The following XKRX variants were observed in gnomAD, a reference collection of about 807,000 sequenced individuals.
XKRX encodes the protein XK related X-linked, also known as XK-related protein 2.
In XKRX, 11 loss-of-function variants were observed where a neutral mutation model predicts 22.4. That is an observed-to-expected ratio of 0.49 (90% CI 0.31 to 0.81). The LOEUF is 0.81. Among genes scored for constraint, XKRX ranks in the 40% least tolerant of loss-of-function variants. The probability of loss-of-function intolerance (pLI) is 0.05; values close to 1 mark genes in which losing one functional copy is unlikely to be tolerated. For synonymous variants in XKRX, 114 were observed against 132.2 expected (o/e 0.86, Z 0.94); for missense variants, 320 against 336.5 (o/e 0.95, Z 0.38).
upstream of XKRX, among the ~76,000 whole-genome samples, chrX:100,931,168 A>AC (rs1368601606): frequency 9.5e-6 from 1 of 105,263 alleles, no homozygotes; most frequent in Non-Finnish European, 2.0e-5. Flanking sequence ...AAAAAAAAAA[A>AC]CATGGGAGAG....
the XKRX span, among the ~76,000 whole-genome samples, chrX:100,936,490 G>C: frequency 1.2e-5 from 1 of 85,672 alleles, no homozygotes; most frequent in East Asian, 4.4e-4. Flanking sequence ...GCAGTGAGCT[G>C]TGATCATGCC....
intron 2 of XKRX, among the ~76,000 whole-genome samples, chrX:100,915,711 T>TGTGTGC (rs1556190818): frequency 1.4e-5 from 1 of 72,224 alleles, no homozygotes; most frequent in African/African-American, 4.7e-5. Context: ...TGTGTGTGCG[T>TGTGTGC]GTGTGTGTGT....
chrX:100,939,519 A>C, the XKRX span, among the ~76,000 whole-genome samples: 1 of 111,781 alleles, frequency 8.9e-6, no homozygotes, highest in Non-Finnish European at 1.9e-5. Context: ...TGACAATGCA[A>C]AGGAAACTGG....
chrX:100,900,788 CTTTTTT>C, the XKRX span, among the ~76,000 whole-genome samples: 3 of 89,273 alleles, frequency 3.4e-5, no homozygotes, highest in African/African-American at 1.3e-4. Context: ...TCACAATCTC[CTTTTTT>C]TTTTTTTTTT....
At chrX:100,931,259 CCA>C (rs1223020555), upstream of XKRX, among the ~76,000 whole-genome samples, 2 of 111,009 alleles carry the variant, frequency 1.8e-5, no homozygotes, top group African/African-American at 6.6e-5. Context: ...TTGTCTCTCC[CCA>C]AATACAAAAA....
downstream of XKRX, among the ~76,000 whole-genome samples, chrX:100,910,270 T>G (rs1203393154): frequency 9.0e-6 from 1 of 110,924 alleles, no homozygotes; most frequent in Non-Finnish European, 1.9e-5. Context: ...TCCCTACACA[T>G]GTACCCTATG....
downstream of XKRX, chrX:100,910,692 C>T (rs749398999): frequency 6.3e-6 from 3 of 476,554 alleles, no homozygotes; most frequent in Admixed American, 7.4e-5. Flanking sequence ...CTGCTACTGG[C>T]AACTCTGCGG....
chrX:100,929,328 G>C (rs986462954), upstream of XKRX: 2 of 111,900 alleles, frequency 1.8e-5, no homozygotes, highest in African/African-American at 6.5e-5. Flanking sequence ...CAGGCGGCCA[G>C]CCGAGGGATG....
the XKRX span, among the ~76,000 whole-genome samples, chrX:100,891,586 G>C: frequency 9.1e-6 from 1 of 109,589 alleles, no homozygotes; most frequent in Non-Finnish European, 1.9e-5. Context: ...GGAAACAGCA[G>C]TCTCTTCAAT....
At chrX:100,893,979 A>T in the XKRX span, among the ~76,000 whole-genome samples, 2 of 112,658 alleles carry the variant, frequency 1.8e-5, no homozygotes, top group Non-Finnish European at 3.7e-5. Context: ...AAAATTTTTT[A>T]AAAAGTAGGC....
chrX:100,900,018 C>A, the XKRX span, among the ~76,000 whole-genome samples: 2 of 111,450 alleles, frequency 1.8e-5, no homozygotes, highest in South Asian at 7.6e-4. Context: ...AATGGAATTG[C>A]AAAAGACCCC....
the XKRX span, among the ~76,000 whole-genome samples, chrX:100,946,765 G>A: frequency 8.9e-6 from 1 of 111,870 alleles, no homozygotes; most frequent in African/African-American, 3.3e-5. Flanking sequence ...TTCCCTTCCT[G>A]TGATGTCCTG....
At chrX:100,912,470 C>T (rs2085410376), downstream of XKRX, among the ~76,000 whole-genome samples, 1 of 111,885 alleles carries the variant, frequency 8.9e-6, no homozygotes, top group South Asian at 3.7e-4. Context: ...TGGTTAACAG[C>T]CCTGCTACTT....
downstream of XKRX, among the ~76,000 whole-genome samples, chrX:100,908,618 T>C (rs1404063061): frequency 8.9e-6 from 1 of 112,048 alleles, no homozygotes; most frequent in Non-Finnish European, 1.9e-5. Context: ...TGGACATATG[T>C]GTCCTCTGAA....
At chrX:100,917,634 G>GAAAGAAAGA (rs1556193289) in intron 2 of XKRX, among the ~76,000 whole-genome samples, 1 of 49,031 alleles carries the variant, frequency 2.0e-5, no homozygotes, top group African/African-American at 1.1e-4. Flanking sequence ...GAGAAAGAAA[G>GAAAGAAAGA]AAGAAAGAAA....
chrX:100,902,731 T>A, the XKRX span, among the ~76,000 whole-genome samples: 3 of 110,461 alleles, frequency 2.7e-5, no homozygotes, highest in Non-Finnish European at 5.7e-5. Flanking sequence ...TGGAGGGGAA[T>A]TTCCTCAATT....
the XKRX span, chrX:100,888,208 A>G: frequency 5.0e-6 from 5 of 995,839 alleles, no homozygotes; most frequent in Non-Finnish European, 7.0e-6. Flanking sequence ...CCATTTTTCC[A>G]TGCTGTTCAA....
the XKRX span, among the ~76,000 whole-genome samples, chrX:100,954,812 A>AGTT: frequency 2.7e-5 from 3 of 112,610 alleles, no homozygotes; most frequent in African/African-American, 9.7e-5. Flanking sequence ...CCTGTCACAA[A>AGTT]AGATTACATA....
intron 2 of XKRX, among the ~76,000 whole-genome samples, chrX:100,918,968 C>A (rs894568019): frequency 9.0e-6 from 1 of 111,200 alleles, no homozygotes; most frequent in Non-Finnish European, 1.9e-5. Flanking sequence ...TGAAAGTAAG[C>A]CTTATAAAAA....
Sources: allele counts gnomAD v4.1 joint callset (sites outside exome capture counted in the v4.1 genomes callset), GRCh38; gene constraint gnomAD v4.1.1; transcripts MANE v1.5; gene names NCBI Gene and HGNC (gene_info 2026-07-23, HGNC 2026-07-21).